Variants in SUFU observed in about 807,000 individuals in gnomAD.
The protein encoded by SUFU is SUFU negative regulator of hedgehog signaling.
Under a neutral mutation model 58.9 loss-of-function variants are expected in SUFU, and 7 were observed. That is an observed-to-expected ratio of 0.12 (90% CI 0.07 to 0.22). The LOEUF (loss-of-function observed/expected upper bound fraction) is 0.22, where lower values mean the gene tolerates loss of function less well. Ranked by LOEUF, SUFU falls within the 10% of genes least tolerant of loss-of-function variation. The probability of loss-of-function intolerance (pLI) is 1.00; values close to 1 mark genes in which losing one functional copy is unlikely to be tolerated. For missense variants in SUFU, 451 were observed against 641.3 expected (o/e 0.70, Z 3.20); for synonymous variants, 232 against 254.8 (o/e 0.91, Z 0.85).
Position 102,523,830 on chromosome 10 carries a change from G to A in SUFU, c.317+14527G>A, listed in dbSNP as rs147356080. ...GCTCAGAACCATCCAGTGGCTTCAT[G>A]TCTCACTTGAGTAAAGGCCAAAGGC... On this transcript the variant is annotated intron_variant, in intron 2 of 11. Coordinates refer to ENST00000369902, the MANE Select transcript of SUFU (RefSeq NM_016169.4). Among the ~76,000 whole-genome samples the A allele has an allele frequency of 8.9e-4, 136 of 152,362 alleles. 1 individual carries two copies. Among genetic ancestry groups the A allele is most frequent in the African/African-American group, 3.2e-3 (133 of 41,582 alleles).
chr10:102,534,684 G>A (rs2062715196), intron 2 of SUFU, among the ~76,000 whole-genome samples: 2 of 152,222 alleles, frequency 1.3e-5, no homozygotes, highest in Non-Finnish European at 2.9e-5. Context: ...ACAGGAAACG[G>A]TACAAATAGG....
intron 8 of SUFU, among the ~76,000 whole-genome samples, chr10:102,607,806 G>A (rs1421303872): frequency 6.6e-6 from 1 of 152,048 alleles, no homozygotes; most frequent in Non-Finnish European, 1.5e-5. Flanking sequence ...AGCTACTCGG[G>A]AGGCCGAGGC....
chr10:102,560,591 C>G (rs116384007), intron 3 of SUFU, among the ~76,000 whole-genome samples: 2,526 of 152,042 alleles, frequency 0.017, 69 homozygotes, highest in African/African-American at 0.058. Context: ...AAAGAACTTG[C>G]AGTATTTTGT....
chr10:102,527,210 G>T (rs1046430373), intron 2 of SUFU, among the ~76,000 whole-genome samples: 2 of 151,906 alleles, frequency 1.3e-5, no homozygotes, highest in Non-Finnish European at 2.9e-5. Flanking sequence ...CACCGTGTTA[G>T]CCAGGATGGT....
intron 8 of SUFU, among the ~76,000 whole-genome samples, chr10:102,611,130 G>A (rs1452028902): frequency 6.6e-6 from 1 of 152,200 alleles, no homozygotes; most frequent in African/African-American, 2.4e-5. Flanking sequence ...CCCAGGGGAG[G>A]TGACTTGAAT....
intron 6 of SUFU, among the ~76,000 whole-genome samples, chr10:102,596,050 C>G (rs1422202522): frequency 6.6e-6 from 1 of 152,156 alleles, no homozygotes; most frequent in African/African-American, 2.4e-5. Flanking sequence ...CGCTTCCCTG[C>G]TTAGCCTCTT....
Position 102,509,544 on chromosome 10 carries a change from G to A in SUFU, c.317+241G>A, listed in dbSNP as rs10883728. The stretch of plus-strand genomic sequence containing the variant: ...ATCAGGTTTTTCTAAGCTTGCCCTG[G>A]AGTTTGGGCTCATAGGACAGGAAGG... On this transcript the variant is annotated intron_variant, in intron 2 of 11. Coordinates refer to ENST00000369902, the MANE Select transcript of SUFU (RefSeq NM_016169.4). Among the ~76,000 whole-genome samples the A allele has an allele frequency of 0.35, 53,356 of 151,986 alleles. 9,525 individuals are homozygous for A. Among genetic ancestry groups the A allele is most frequent in the African/African-American group, 0.39 (16,179 of 41,434 alleles).
At chr10:102,522,798 C>T (rs745408345) in intron 2 of SUFU, among the ~76,000 whole-genome samples, 4 of 152,222 alleles carry the variant, frequency 2.6e-5, no homozygotes, top group Middle Eastern at 3.4e-3. Flanking sequence ...TAATCTGCTC[C>T]GTAGATTGTC....
chr10:102,563,412 G>A (rs919258372), intron 3 of SUFU, among the ~76,000 whole-genome samples: 3 of 152,170 alleles, frequency 2.0e-5, no homozygotes, highest in Non-Finnish European at 2.9e-5. Flanking sequence ...CTCAGGAAAA[G>A]CTGGAGGCCT....
intron 8 of SUFU, among the ~76,000 whole-genome samples, chr10:102,615,024 T>G (rs1273080070): frequency 6.6e-6 from 1 of 152,126 alleles, no homozygotes; most frequent in Non-Finnish European, 1.5e-5. Context: ...GTTCCTCCTC[T>G]GTAAAAAGAG....
chr10:102,571,104 G>T (rs1044595825), intron 3 of SUFU, among the ~76,000 whole-genome samples: 1 of 152,126 alleles, frequency 6.6e-6, no homozygotes, highest in Non-Finnish European at 1.5e-5. Flanking sequence ...TAAGAAAATC[G>T]TATCAGAGAA....
At chr10:102,551,983 C>G (rs1368540178) in intron 3 of SUFU, among the ~76,000 whole-genome samples, 1 of 151,866 alleles carries the variant, frequency 6.6e-6, no homozygotes, top group African/African-American at 2.4e-5. Context: ...CCTCAGCCTC[C>G]CAAAGTGTTG....
chr10:102,524,758 A>G (rs2062591269), intron 2 of SUFU, among the ~76,000 whole-genome samples: 2 of 152,200 alleles, frequency 1.3e-5, no homozygotes, highest in African/African-American at 4.8e-5. Flanking sequence ...CCTTCCCACT[A>G]GAACATAAGC....
At chr10:102,520,355 C>A (rs543877930) in intron 2 of SUFU, among the ~76,000 whole-genome samples, 5 of 150,548 alleles carry the variant, frequency 3.3e-5, no homozygotes, top group Admixed American at 3.3e-4. Flanking sequence ...GTAGCTGGGA[C>A]TACAGGCACC....
At chr10:102,613,426 A>G (rs1245793566) in intron 8 of SUFU, among the ~76,000 whole-genome samples, 12 of 152,172 alleles carry the variant, frequency 7.9e-5, no homozygotes, top group Admixed American at 7.9e-4. Flanking sequence ...CGTCTAACCC[A>G]CTGCCGCCAC....
At chr10:102,538,506 A>G (rs1037821994) in intron 2 of SUFU, among the ~76,000 whole-genome samples, 3 of 152,112 alleles carry the variant, frequency 2.0e-5, no homozygotes, top group African/African-American at 7.2e-5. Context: ...TAGCTACCAT[A>G]TGGAAACTAC....
chr10:102,524,538 C>G (rs2135676638), intron 2 of SUFU, among the ~76,000 whole-genome samples: 1 of 152,164 alleles, frequency 6.6e-6, no homozygotes, highest in South Asian at 2.1e-4. Flanking sequence ...GTTGGCCAGG[C>G]TGGTCTCAAA....
chr10:102,614,048 G>A (rs1016685275), intron 8 of SUFU, among the ~76,000 whole-genome samples: 2 of 152,248 alleles, frequency 1.3e-5, no homozygotes, highest in Non-Finnish European at 2.9e-5. Flanking sequence ...TCATCATCTG[G>A]TTAGATGAAG....
intron 2 of SUFU, 108 bp from the exon 3 acceptor site, chr10:102,549,862 G>T (rs1243472778): frequency 1.4e-5 from 20 of 1,417,876 alleles, no homozygotes; most frequent in South Asian, 2.4e-5. Flanking sequence ...CTGAATGGAG[G>T]ATTTGGATAC....
Sources: allele counts gnomAD v4.1 joint callset (sites outside exome capture counted in the v4.1 genomes callset), GRCh38; gene constraint gnomAD v4.1.1; transcripts MANE v1.5; gene names NCBI Gene and HGNC (gene_info 2026-07-23, HGNC 2026-07-21).